TXLNA: variants seen among roughly 807,000 people sequenced by gnomAD.
The protein encoded by TXLNA is taxilin alpha, also known as alpha-taxilin.
A neutral mutation model predicts 61.4 loss-of-function variants in TXLNA; 9 were observed. The ratio of observed to expected loss-of-function variants is 0.15; its 90% CI spans 0.09 to 0.26. The LOEUF (loss-of-function observed/expected upper bound fraction) is 0.26. Among genes scored for constraint, TXLNA ranks in the 10% least tolerant of loss-of-function variants. The pLI is 1.00. For synonymous variants in TXLNA, 257 were observed against 267.7 expected (o/e 0.96, Z 0.39); for missense variants, 565 against 688.8 (o/e 0.82, Z 2.01).
chr1:32,189,780 A>G (rs1423181236), intron 5 of TXLNA, among the ~76,000 whole-genome samples: 1 of 152,024 alleles, frequency 6.6e-6, no homozygotes, highest in African/African-American at 2.4e-5. Flanking sequence ...TGACCTCGTG[A>G]TCCGCCCACC....
Position 32,192,379 on chromosome 1 carries a change from C to G in TXLNA, c.1032C>G (p.Ala344=). 1 of 1,614,160 alleles carries G rather than the reference C, an allele frequency of 6.2e-7. No homozygotes were observed. The highest frequency in any genetic ancestry group is 8.5e-7 in the Non-Finnish European group (1 of 1,180,028). ...QQLVDAKLQQ[A]QEMLKEAEER... ...TGGTGGATGCCAAGCTCCAGCAGGCCCAGGAGATGCTAAAGGAGGCAGAAG... is the reference window on the plus strand; with the variant it reads ...TGGTGGATGCCAAGCTCCAGCAGGCGCAGGAGATGCTAAAGGAGGCAGAAG... Residue 344 remains alanine, a synonymous_variant, in exon 7 of 11, where the codon GCC becomes GCG. Coordinates refer to ENST00000373610, the MANE Select transcript of TXLNA (RefSeq NM_175852.4). The surrounding 1 kb of genome is among the most constrained non-coding windows in gnomAD (Gnocchi z 4.2).
rs1427565430 is a variant in TXLNA, at chr1:32,192,654, T to C, written c.1084-3T>C. On this transcript the variant is annotated splice_polypyrimidine_tract_variant and splice_region_variant and intron_variant, in intron 7 of 10. Coordinates refer to ENST00000373610, the MANE Select transcript of TXLNA (RefSeq NM_175852.4). The surrounding 1 kb of genome is among the most constrained non-coding windows in gnomAD (Gnocchi z 4.2). ...AGGATCTGGGGTTCTGTCTTGGAAA[T>C]AGCTCCTGAAAGAGGCAGTAGAGTC... 2.6e-5 allele frequency: 42 copies of C among 1,614,068 alleles called. No individual in the cohort carries two copies. Among genetic ancestry groups the C allele is most frequent in the Non-Finnish European group, 3.1e-5 (36 of 1,180,034 alleles).
intron 5 of TXLNA, among the ~76,000 whole-genome samples, chr1:32,189,637 C>T (rs1238962414): frequency 6.6e-6 from 1 of 151,912 alleles, no homozygotes; most frequent in Non-Finnish European, 1.5e-5. Flanking sequence ...CTCCGCCTCC[C>T]AGGTTCAAAT....
chr1:32,181,946 A>G (rs1642672756), intron 3 of TXLNA, among the ~76,000 whole-genome samples: 1 of 152,090 alleles, frequency 6.6e-6, no homozygotes, highest in South Asian at 2.1e-4. Context: ...CAGTAAGAAA[A>G]TTAGACTAGG....
rs1322271078 is a variant in TXLNA, at chr1:32,193,249, A to C, written c.1200A>C (p.Thr400=). The part of the protein sequence containing the change: ...YTEKFEEFQN[T]LSKSSEVFTT... ...AGAAGTTTGAGGAGTTCCAGAACACACTTTCCAAAAGCAGCGAGGTATTCA... is the reference window on the plus strand; with the variant it reads ...AGAAGTTTGAGGAGTTCCAGAACACCCTTTCCAAAAGCAGCGAGGTATTCA... Residue 400 remains threonine (T), a synonymous_variant, in exon 9 of 11, where the codon ACA becomes ACC. Coordinates refer to ENST00000373610, the MANE Select transcript of TXLNA (RefSeq NM_175852.4). 1 of 1,613,888 alleles carries C rather than the reference A, an allele frequency of 6.2e-7. No individual in the cohort carries two copies.
At chr1:32,184,641 C>A (rs1642742382) in intron 4 of TXLNA, 25 bp downstream of exon 4, 8 of 1,555,338 alleles carry the variant, frequency 5.1e-6, no homozygotes, top group Non-Finnish European at 7.1e-6. Flanking sequence ...CCGCGGGCAC[C>A]TTCCCTGCGT....
At chr1:32,183,587 C>T (rs1395601143) in intron 3 of TXLNA, among the ~76,000 whole-genome samples, 6 of 144,988 alleles carry the variant, frequency 4.1e-5, no homozygotes, top group East Asian at 4.1e-4. Context: ...CTACCATGCC[C>T]GGCTAATTTT....
chr1:32,184,774 T>C (rs1201198524), intron 4 of TXLNA, among the ~76,000 whole-genome samples, 158 bp downstream of exon 4: 1 of 152,212 alleles, frequency 6.6e-6, no homozygotes, highest in East Asian at 1.9e-4. Context: ...AGCCAGCCTC[T>C]TCAGGGCTGT....
chr1:32,186,414 AGGAGTGTGAATAG>A (rs1364238250), intron 4 of TXLNA, among the ~76,000 whole-genome samples: 1 of 150,822 alleles, frequency 6.6e-6, no homozygotes, highest in Non-Finnish European at 1.5e-5. Flanking sequence ...CTGGAAGGAG[AGGAGTGTGAATAG>A]CATATGCATT....
chr1:32,181,905 C>T (rs1183696351), intron 3 of TXLNA, among the ~76,000 whole-genome samples: 1 of 152,168 alleles, frequency 6.6e-6, no homozygotes, highest in East Asian at 1.9e-4. Flanking sequence ...GTCCCTTCTC[C>T]TCTCTGGGTC....
intron 5 of TXLNA, among the ~76,000 whole-genome samples, chr1:32,189,329 G>A (rs891152144): frequency 1.2e-4 from 18 of 152,110 alleles, no homozygotes; most frequent in Admixed American, 1.3e-4. Flanking sequence ...GGGGCAGTGT[G>A]CCTTCCCCAT....
At position 32,184,564 on chromosome 1, in the gene TXLNA, T is replaced by G; in HGVS notation, c.545T>G (p.Leu182Arg). The G allele has an allele frequency of 6.2e-7, 1 of 1,613,942 alleles. No homozygotes were observed. The highest frequency in any genetic ancestry group is 8.5e-7 in the Non-Finnish European group (1 of 1,179,818). ...ITLLMQTLNT[L>R]STPEEKLAAL... ...TTGCTGATGCAGACATTGAATACTC[T>G]GAGTACCCCAGAGGAGAAGCTGGCT... is the stretch of plus-strand genomic sequence containing the variant. Residue 182 changes from leucine (L) to arginine (R), a missense_variant, in exon 4 of 11, where the codon CTG becomes CGG. Leu to Arg is a moderately radical substitution (Grantham distance 102, BLOSUM62 -2). This residue lies in a region of TXLNA where 373 missense variants were observed against 504.0 expected (regional missense o/e 0.74). Transcript: ENST00000373610.
chr1:32,180,783 G>A (rs562358452), intron 2 of TXLNA, among the ~76,000 whole-genome samples: 12 of 152,358 alleles, frequency 7.9e-5, no homozygotes, highest in African/African-American at 2.9e-4. Context: ...TCCAGGTCCC[G>A]TTAGAAACAC....
Position 32,192,500 on chromosome 1 carries a change from C to G in TXLNA, c.1083+70C>G. The G allele has an allele frequency of 6.2e-7, 1 of 1,602,148 alleles. No individual in the cohort carries two copies. The highest frequency in any genetic ancestry group is 8.5e-7 in the Non-Finnish European group (1 of 1,172,126). On this transcript the variant is annotated intron_variant, in intron 7 of 10. Transcript: ENST00000373610. This position sits in a 1 kb window ranked among gnomAD's most constrained non-coding sequence, Gnocchi z 4.2. ...GGCTGGGCTCTGGCTCAGCTCATAG[C>G]CGGGTTATATGGGAGAAGTCTGGCC...
At position 32,195,762 on chromosome 1, in the gene TXLNA, C is replaced by T. The variant is rs983984462; in HGVS notation, c.*567C>T. ...AGAGCTGGGGATTTCCTGCCTGGAA[C>T]AAGGGACCTGGAGAATGTTTTTGCG... On this transcript the variant is annotated 3_prime_UTR_variant, in exon 11 of 11. Transcript: ENST00000373610. 3.1e-5 allele frequency: 14 copies of T among 456,300 alleles called. No homozygotes were observed. Among genetic ancestry groups the T allele is most frequent in the Non-Finnish European group, 4.8e-5 (11 of 226,994 alleles). The allele number at this position is 456,300 out of a possible 1,614,324, so 28.3% of individuals were successfully genotyped here. A position where few individuals can be genotyped will look rare whatever the true frequency, so the allele number is the denominator to read the frequency against.
rs1426526924 is a variant in TXLNA, at chr1:32,181,456, A to C, written c.384A>C (p.Val128=). 1 of 1,614,104 alleles carries C rather than the reference A, an allele frequency of 6.2e-7. No individual in the cohort carries two copies. Among genetic ancestry groups the C allele is most frequent in the South Asian group, 1.1e-5 (1 of 91,056 alleles). The change falls in exon 3 of 11, where the codon GTA becomes GTC. Residue 128 remains valine, a synonymous_variant. Coordinates refer to ENST00000373610, the MANE Select transcript of TXLNA (RefSeq NM_175852.4). ...ARNGEPEPTP[V]VNGEKEPSKG... ...ATGGGGAGCCTGAACCAACTCCAGT[A>C]GTCAATGGAGAGAAGGAACCCTCCA...
In TXLNA at chr1:32,181,515, G is replaced by A; in HGVS notation, c.443G>A (p.Ser148Asn). 6.2e-7 allele frequency: 1 copy of A among 1,600,634 alleles called. No individual in the cohort carries two copies. Residue 148 changes from serine to asparagine, a missense_variant, in exon 3 of 11, where the codon AGT becomes AAT. Physicochemically the swap from Ser to Asn is conservative, Grantham distance 46. This residue lies in a region of TXLNA where 373 missense variants were observed against 504.0 expected (regional missense o/e 0.74). Coordinates refer to ENST00000373610, the MANE Select transcript of TXLNA (RefSeq NM_175852.4). ...CCAAACACAGAAGAGATCCGGCAGA[G>A]TGACGAGGTCGGAGACCGAGACCAT... ...GDPNTEEIRQSDEVGDRDHRR... is the reference protein window; with the variant it reads ...GDPNTEEIRQNDEVGDRDHRR...
rs376120838 is a variant in TXLNA, at chr1:32,195,212, T to C, written c.*17T>C. On this transcript the variant is annotated 3_prime_UTR_variant, in exon 11 of 11. Coordinates refer to ENST00000373610, the MANE Select transcript of TXLNA (RefSeq NM_175852.4). ...AGGGCCTAGAGAGCCTGGTGTTGGG[T>C]CATGCTGGGAAGGGAGCGGCAGCCC... The C allele has an allele frequency of 6.7e-5, 105 of 1,555,674 alleles. No homozygotes were observed. Among genetic ancestry groups the C allele is most frequent in the Non-Finnish European group, 9.0e-5 (104 of 1,154,140 alleles).
rs1356749620 is a variant in TXLNA at position 32,194,823 on chromosome 1, A to G, written c.1348-79A>G. 5.3e-6 allele frequency: 8 copies of G among 1,502,626 alleles called. No homozygotes were observed. In the East Asian group the frequency reaches 1.1e-4, roughly 21 times the overall value. The allele number at this position is 1,502,626 out of a possible 1,614,324, so 93.1% of individuals were successfully genotyped here. ...GACTCGGTCTGCTCTCAGCCTTGTT[A>G]AAGTGTTTGCCGCCAAGTGGTGATG... On this transcript the variant is annotated intron_variant, in intron 10 of 10. Transcript: ENST00000373610.
Sources: gnomAD v4.1 joint callset for allele counts (sites outside exome capture counted in the v4.1 genomes callset) on GRCh38, gnomAD v4.1.1 for gene constraint, gnomAD v4.1.1 regional missense constraint, Gnocchi (gnomAD v3.1) non-coding constraint, MANE v1.5 for transcripts, NCBI Gene and HGNC (gene_info 2026-07-23, HGNC 2026-07-21) for gene names.